SLC22A9: variants seen among roughly 807,000 people sequenced by gnomAD.
The protein encoded by SLC22A9 is organic anion transporter 7.
SLC22A9 carries 64 observed loss-of-function variants against 50.1 expected under a neutral mutation model. The observed-to-expected ratio is 1.28, with a 90% confidence interval of 1.04 to 1.57. The LOEUF is 1.57. SLC22A9 is among the 40% of genes most tolerant of loss of function. The pLI is 0.00. For synonymous variants in SLC22A9, 261 were observed against 242.5 expected (o/e 1.08, Z -0.71); for missense variants, 757 against 676.1 (o/e 1.12, Z -1.33).
In SLC22A9 at chr11:63,375,741, G is replaced by A. The variant is rs146423750; in HGVS notation, c.927G>A (p.Lys309=). Residue 309 remains lysine (K), a synonymous_variant, in exon 5 of 10, where the codon AAG becomes AAA. Coordinates refer to ENST00000279178, the MANE Select transcript of SLC22A9 (RefSeq NM_080866.3). The part of the protein sequence containing the change: ...LRKAAHRSGM[K]NARDTLTLEI... ...AAGCTGCACACAGGAGTGGAATGAA[G>A]AATGCCAGAGACACCCTAACCCTGG... 2.0e-4 allele frequency: 317 copies of A among 1,612,576 alleles called. No homozygotes were observed. The highest frequency in any genetic ancestry group is 1.2e-3 in the Middle Eastern group (7 of 6,050).
chr11:63,390,244 C>T (rs1420598719), intron 6 of SLC22A9, among the ~76,000 whole-genome samples: 3 of 152,058 alleles, frequency 2.0e-5, no homozygotes, highest in African/African-American at 4.8e-5. Context: ...TCATGAAGTC[C>T]TTGCCCATGC....
At chr11:63,384,760 G>A (rs370788639) in intron 6 of SLC22A9, among the ~76,000 whole-genome samples, 1 of 152,124 alleles carries the variant, frequency 6.6e-6, no homozygotes, top group African/African-American at 2.4e-5. Context: ...CCCACCAACA[G>A]TGTAAAAGCA....
rs747311001 is a variant in SLC22A9 at position 63,375,648 on chromosome 11, G to T, written c.834G>T (p.Trp278Cys). ...CTCTGTTCTCTTCCTTGGTCAGTTG[G>T]CTGCTAGAGTCTGCTCGGTGGCTCA... ...PYFVIFLTSS[W>C]LLESARWLII... is the part of the protein sequence containing the mutation. Residue 278 changes from tryptophan to cysteine, a missense_variant, in exon 5 of 10, where the codon TGG (tryptophan) becomes TGT (cysteine). Physicochemically the swap from Trp to Cys is radical, Grantham distance 215. Transcript: ENST00000279178. 1.2e-6 allele frequency: 2 copies of T among 1,611,890 alleles called. No homozygotes were observed. The highest frequency in any genetic ancestry group is 1.7e-6 in the Non-Finnish European group (2 of 1,178,612).
intron 6 of SLC22A9, among the ~76,000 whole-genome samples, chr11:63,386,823 T>A (rs556205149): frequency 2.0e-5 from 3 of 151,966 alleles, no homozygotes; most frequent in Admixed American, 6.6e-5. Context: ...TTGTTGTTGA[T>A]GATTTTGTTT....
intron 6 of SLC22A9, among the ~76,000 whole-genome samples, chr11:63,384,616 C>A (rs2014627971): frequency 6.6e-6 from 1 of 152,094 alleles, no homozygotes; most frequent in African/African-American, 2.4e-5. Context: ...GTGCAAGTAT[C>A]TTTGTAATAG....
At chr11:63,385,854 G>T (rs546954068) in intron 6 of SLC22A9, among the ~76,000 whole-genome samples, 9 of 152,136 alleles carry the variant, frequency 5.9e-5, no homozygotes, top group Non-Finnish European at 1.3e-4. Context: ...GTGAAAGAGG[G>T]CATCTTTGTC....
chr11:63,391,486 C>T (rs1190529053), intron 6 of SLC22A9, among the ~76,000 whole-genome samples: 2 of 151,918 alleles, frequency 1.3e-5, no homozygotes, highest in Admixed American at 6.6e-5. Context: ...TTAATATTTG[C>T]TTTATATACC....
rs1181994268 is a variant in SLC22A9 at position 63,374,061 on chromosome 11, A to C, written c.829A>C (p.Ser277Arg). 2 of 1,605,354 alleles carry C rather than the reference A, an allele frequency of 1.2e-6. No individual in the cohort carries two copies. Among genetic ancestry groups the C allele is most frequent in the East Asian group, 4.5e-5 (2 of 44,728 alleles). ...ATACTTTGTGATCTTTCTGACCTCA[A>C]GGTATGAGTTTGTTTCTTCTTTTGT... Reference protein sequence around the residue: ...VPYFVIFLTSSWLLESARWLI... With the variant: ...VPYFVIFLTSRWLLESARWLI... The change falls in exon 4 of 10, where the codon AGT (serine) becomes CGT (arginine). Residue 277 changes from serine to arginine, a missense_variant and splice_region_variant. Ser to Arg is a moderately radical substitution (Grantham distance 110, BLOSUM62 -1). Transcript: ENST00000279178.
intron 6 of SLC22A9, among the ~76,000 whole-genome samples, chr11:63,392,554 C>T (rs912713550): frequency 6.6e-6 from 1 of 151,858 alleles, no homozygotes; most frequent in Non-Finnish European, 1.5e-5. Context: ...CTTGTCTCTC[C>T]TGGTCTTTAA....
intron 6 of SLC22A9, among the ~76,000 whole-genome samples, chr11:63,389,506 T>C: frequency 6.6e-6 from 1 of 152,232 alleles, no homozygotes; most frequent in East Asian, 1.9e-4. Flanking sequence ...GCAAAGAACA[T>C]GAACTCATCC....
chr11:63,386,530 C>A (rs370197260), intron 6 of SLC22A9, among the ~76,000 whole-genome samples: 22 of 125,052 alleles, frequency 1.8e-4, no homozygotes, highest in African/African-American at 5.7e-4. Flanking sequence ...AGGGATTCAA[C>A]TTCTTCCTGG....
At chr11:63,390,607 G>T (rs1015874709) in intron 6 of SLC22A9, among the ~76,000 whole-genome samples, 1 of 152,072 alleles carries the variant, frequency 6.6e-6, no homozygotes, top group Non-Finnish European at 1.5e-5. Flanking sequence ...TTTGGTTATC[G>T]TCTGAAGCCA....
At chr11:63,374,141 T>C (rs2014420373) in intron 4 of SLC22A9, 79 bp downstream of exon 4, 2 of 1,386,872 alleles carry the variant, frequency 1.4e-6, no homozygotes. Context: ...CTGAATTTCT[T>C]TTTGTTCTTT....
intron 4 of SLC22A9, among the ~76,000 whole-genome samples, 164 bp downstream of exon 4, chr11:63,374,226 C>T (rs2014422135): frequency 6.6e-6 from 1 of 152,054 alleles, no homozygotes; most frequent in Non-Finnish European, 1.5e-5. Context: ...CATAGAGTTT[C>T]CTGATAAAAC....
At chr11:63,407,789 G>A (rs1039315910) in intron 7 of SLC22A9, among the ~76,000 whole-genome samples, 3 of 152,100 alleles carry the variant, frequency 2.0e-5, no homozygotes, top group African/African-American at 4.8e-5. Flanking sequence ...TACCAGGTAG[G>A]CAGAGGAGTC....
chr11:63,409,722 A>T, intron 9 of SLC22A9, 80 bp from the exon 10 acceptor site: 1 of 1,399,900 alleles, frequency 7.1e-7, no homozygotes, highest in Non-Finnish European at 1.0e-6. Context: ...AACATTCCTT[A>T]AAGAATGCGG....
chr11:63,384,978 A>G (rs1448601673), intron 6 of SLC22A9, among the ~76,000 whole-genome samples: 1 of 151,714 alleles, frequency 6.6e-6, no homozygotes, highest in Non-Finnish European at 1.5e-5. Context: ...CCACTTTTCA[A>G]TGGAGTTTTT....
At chr11:63,380,112 TAAATC>T (rs1305126596) in intron 5 of SLC22A9, among the ~76,000 whole-genome samples, 1 of 152,086 alleles carries the variant, frequency 6.6e-6, no homozygotes, top group Non-Finnish European at 1.5e-5. Context: ...AATCATTAGA[TAAATC>T]AAATCAAAAC....
Position 63,370,120 on chromosome 11 carries a change from G to C in SLC22A9, c.64G>C (p.Val22Leu), listed in dbSNP as rs775520814. 10 of 1,613,880 alleles carry C rather than the reference G, an allele frequency of 6.2e-6. No individual in the cohort carries two copies. Among genetic ancestry groups the C allele is most frequent in the South Asian group, 1.1e-5 (1 of 91,076 alleles). The change falls in exon 1 of 10, where the codon GTT becomes CTT. Residue 22 changes from valine (V) to leucine (L), a missense_variant. By Grantham distance (32) the Val-to-Leu change is conservative. Transcript: ENST00000279178. ...DLWRFQILQT[V>L]FLSIFAVATY... ...GTGGAGATTCCAGATCCTTCAGACT[G>C]TTTTTCTCTCAATCTTTGCTGTTGC...
Sources: gnomAD v4.1 joint callset for allele counts (sites outside exome capture counted in the v4.1 genomes callset) on GRCh38, gnomAD v4.1.1 for gene constraint, MANE v1.5 for transcripts, NCBI Gene and HGNC (gene_info 2026-07-23, HGNC 2026-07-21) for gene names.